Variants in CCNY observed in about 807,000 individuals in gnomAD.
The protein encoded by CCNY is cyclin-Y.
Under a neutral mutation model 42.8 loss-of-function variants are expected in CCNY, and 19 were observed. That is an observed-to-expected ratio of 0.44 (90% confidence interval 0.31 to 0.65). CCNY has a LOEUF of 0.65. Among genes scored for constraint, CCNY ranks in the 30% least tolerant of loss-of-function variants. CCNY has a pLI of 0.07. For synonymous variants in CCNY, 165 were observed against 162.7 expected, an observed-to-expected ratio of 1.01 and a Z score of -0.11; for missense variants, 370 against 437.3, an observed-to-expected ratio of 0.85 and a Z score of 1.37.
chr10:35,535,549 C>T (rs925054139), intron 7 of CCNY, among the ~76,000 whole-genome samples: 4 of 152,016 alleles, frequency 2.6e-5, no homozygotes, highest in African/African-American at 9.7e-5. Flanking sequence ...TATACATATA[C>T]GTATATGTAT....
intron 1 of CCNY, among the ~76,000 whole-genome samples, chr10:35,448,101 G>A (rs867692265): frequency 6.6e-5 from 10 of 152,136 alleles, no homozygotes; most frequent in Admixed American, 4.6e-4. Context: ...CCAGCGGCTC[G>A]CATTTTAATT....
intron 7 of CCNY, among the ~76,000 whole-genome samples, chr10:35,548,630 G>A (rs1023962176): frequency 1.3e-5 from 2 of 151,626 alleles, no homozygotes; most frequent in African/African-American, 2.4e-5. Flanking sequence ...AAGTGGAAGT[G>A]GATCATCATA....
intron 1 of CCNY, among the ~76,000 whole-genome samples, chr10:35,383,268 AAAG>A (rs1837229965): frequency 1.3e-5 from 2 of 152,166 alleles, no homozygotes; most frequent in Non-Finnish European, 2.9e-5. Context: ...GAAACTTAGT[AAAG>A]TAGGAAATTG....
chr10:35,527,891 T>C lies in CCNY; in HGVS notation c.401+1892T>C, dbSNP rs181730011. ...ATAAAGGTGGTGTGGTGCTGTTCAGTTGGGACACACAGCTTTTAGAGGAAG... is the reference window on the plus strand; with the variant it reads ...ATAAAGGTGGTGTGGTGCTGTTCAGCTGGGACACACAGCTTTTAGAGGAAG... On this transcript the variant is annotated intron_variant, in intron 5 of 9. Transcript: ENST00000374704. Among the ~76,000 whole-genome samples, 6 of 152,336 alleles carry C rather than the reference T, an allele frequency of 3.9e-5. No homozygotes were observed. In the East Asian group the frequency reaches 7.7e-4, roughly 20 times the overall value.
At chr10:35,459,849 T>C (rs2135327297) in intron 1 of CCNY, among the ~76,000 whole-genome samples, 1 of 152,262 alleles carries the variant, frequency 6.6e-6, no homozygotes, top group East Asian at 1.9e-4. Context: ...TGTTGGGTAC[T>C]TGGGGGGAAT....
At chr10:35,546,241 T>C (rs1013903864) in intron 7 of CCNY, among the ~76,000 whole-genome samples, 3 of 152,254 alleles carry the variant, frequency 2.0e-5, no homozygotes, top group Non-Finnish European at 2.9e-5. Context: ...TATTACTCTT[T>C]AAAATTGGAT....
intron 3 of CCNY, among the ~76,000 whole-genome samples, chr10:35,261,196 G>A (rs949033888): frequency 2.7e-5 from 4 of 150,632 alleles, no homozygotes; most frequent in African/African-American, 9.8e-5. Flanking sequence ...TTTGAGACCA[G>A]CCTGGACAAC....
At position 35,271,695 on chromosome 10, in the gene CCNY, G is replaced by A. The variant is rs1202405192; in HGVS notation, c.-9+21069G>A. Among the ~76,000 whole-genome samples, 4 of 152,054 alleles carry A rather than the reference G, an allele frequency of 2.6e-5. No homozygotes were observed. The East Asian group carries it at 5.8e-4, about 22-fold the overall frequency. On this transcript the variant is annotated intron_variant, in intron 3 of 11. Transcript: ENST00000374706. Reference sequence around the variant, plus strand: ...TTTGCAGCTCATTCCCTCCTTCACCGATGCCAGAGTGGCCCCTCCAACCCC... The same window carrying A: ...TTTGCAGCTCATTCCCTCCTTCACCAATGCCAGAGTGGCCCCTCCAACCCC...
intron 1 of CCNY, among the ~76,000 whole-genome samples, chr10:35,247,692 C>T (rs1289404161): frequency 2.6e-5 from 4 of 151,252 alleles, no homozygotes; most frequent in South Asian, 2.1e-4. Flanking sequence ...CTGGCTAACA[C>T]GGTGAAACCC....
chr10:35,327,510 T>A (rs1474966506), intron 3 of CCNY, among the ~76,000 whole-genome samples: 4 of 152,162 alleles, frequency 2.6e-5, no homozygotes, highest in South Asian at 2.1e-4. Flanking sequence ...TTCCAAATTT[T>A]AAAAAAATCA....
chr10:35,443,758 G>A (rs1838726042), intron 1 of CCNY, among the ~76,000 whole-genome samples: 1 of 152,180 alleles, frequency 6.6e-6, no homozygotes, highest in South Asian at 2.1e-4. Flanking sequence ...ACCTGTACAG[G>A]CCCAAGAAAG....
At chr10:35,451,951 A>G (rs977116095) in intron 1 of CCNY, among the ~76,000 whole-genome samples, 6 of 152,098 alleles carry the variant, frequency 3.9e-5, no homozygotes, top group African/African-American at 1.2e-4. Context: ...TTCACTCACA[A>G]TTTCATTTCA....
At chr10:35,290,164 T>C (rs907386637) in intron 3 of CCNY, among the ~76,000 whole-genome samples, 9 of 150,014 alleles carry the variant, frequency 6.0e-5, no homozygotes, top group African/African-American at 2.0e-4. Flanking sequence ...AGGCAAAGGT[T>C]GCAGTGAGCA....
intron 1 of CCNY, among the ~76,000 whole-genome samples, chr10:35,377,375 A>C (rs940502485): frequency 6.6e-6 from 1 of 152,198 alleles, no homozygotes; most frequent in Non-Finnish European, 1.5e-5. Context: ...TTCTATATTT[A>C]GATACACAAG....
At chr10:35,411,922 A>G (rs1464518090) in intron 1 of CCNY, among the ~76,000 whole-genome samples, 1 of 152,208 alleles carries the variant, frequency 6.6e-6, no homozygotes, top group Non-Finnish European at 1.5e-5. Context: ...TTTTCCTAAC[A>G]AGCCTTAATT....
intron 1 of CCNY, among the ~76,000 whole-genome samples, chr10:35,479,234 G>C (rs1459194833): frequency 6.6e-6 from 1 of 151,756 alleles, no homozygotes; most frequent in Non-Finnish European, 1.5e-5. Context: ...AATACCATTT[G>C]ACCCAGCCAT....
intron 1 of CCNY, among the ~76,000 whole-genome samples, chr10:35,344,543 AT>A (rs928284145): frequency 1.6e-4 from 24 of 151,430 alleles, no homozygotes; most frequent in African/African-American, 5.6e-4. Context: ...TACAAAAAAA[AT>A]TTTTTTTTCA....
chr10:35,556,547 A>G (rs1841366033), intron 8 of CCNY, among the ~76,000 whole-genome samples: 1 of 152,220 alleles, frequency 6.6e-6, no homozygotes, highest in Non-Finnish European at 1.5e-5. Flanking sequence ...TCTCTGTAGA[A>G]AAGCTGATCA....
intron 3 of CCNY, among the ~76,000 whole-genome samples, chr10:35,273,489 G>A (rs1266659118): frequency 1.3e-5 from 2 of 152,082 alleles, no homozygotes; most frequent in African/African-American, 4.8e-5. Flanking sequence ...ACAGGCATGA[G>A]CCACTGTGGC....
Sources: allele counts gnomAD v4.1 joint callset (sites outside exome capture counted in the v4.1 genomes callset), GRCh38; gene constraint gnomAD v4.1.1; transcripts MANE v1.5; gene names NCBI Gene and HGNC (gene_info 2026-07-23, HGNC 2026-07-21).